The following STPG2 variants were observed in gnomAD, a reference collection of about 807,000 sequenced individuals.
STPG2 encodes the protein sperm-tail PG-rich repeat-containing protein 2.
In STPG2, 56 loss-of-function variants were observed where a neutral mutation model predicts 54.2. The observed-to-expected ratio is 1.03, with a 90% CI of 0.83 to 1.29. The LOEUF is 1.29. STPG2 is among the 50% of genes most tolerant of loss of function. The pLI, the probability that STPG2 is intolerant of heterozygous loss-of-function variation, is 0.00. For missense variants in STPG2, 596 were observed against 544.9 expected, an observed-to-expected ratio of 1.09 and a Z score of -0.93; for synonymous variants, 200 against 181.8, an observed-to-expected ratio of 1.10 and a Z score of -0.81.
intron 5 of STPG2, among the ~76,000 whole-genome samples, chr4:97,993,286 T>C (rs1157894537): frequency 6.6e-6 from 1 of 152,168 alleles, no homozygotes; most frequent in Non-Finnish European, 1.5e-5. Flanking sequence ...GAGGGTTTAA[T>C]CCTAAAGGAA....
intron 8 of STPG2, among the ~76,000 whole-genome samples, chr4:97,859,316 T>C (rs1729432194): frequency 6.6e-6 from 1 of 152,184 alleles, no homozygotes; most frequent in South Asian, 2.1e-4. Flanking sequence ...GTTGAATGCA[T>C]AGTTTTCAAA....
At chr4:97,600,219 C>T (rs1181810386) in intron 10 of STPG2, among the ~76,000 whole-genome samples, 1 of 152,106 alleles carries the variant, frequency 6.6e-6, no homozygotes, top group Non-Finnish European at 1.5e-5. Context: ...AAAATCTGTA[C>T]ATGTGCCCCA....
At chr4:97,992,035 C>T (rs1390394551) in intron 5 of STPG2, among the ~76,000 whole-genome samples, 8 of 152,054 alleles carry the variant, frequency 5.3e-5, no homozygotes, top group African/African-American at 1.4e-4. Flanking sequence ...AGACTTTCTC[C>T]CACTCTATGG....
intron 5 of STPG2, among the ~76,000 whole-genome samples, chr4:98,005,239 C>T (rs1465462913): frequency 6.6e-6 from 1 of 152,084 alleles, no homozygotes; most frequent in African/African-American, 2.4e-5. Context: ...TGATGCCCAC[C>T]CAGATTAGGG....
chr4:97,646,458 C>A (rs1415501074), intron 10 of STPG2, among the ~76,000 whole-genome samples: 2 of 151,868 alleles, frequency 1.3e-5, no homozygotes, highest in Non-Finnish European at 2.9e-5. Flanking sequence ...AAAAATTAGT[C>A]TTTTATATAA....
chr4:97,614,678 A>G (rs1733815464), intron 10 of STPG2, among the ~76,000 whole-genome samples: 1 of 152,126 alleles, frequency 6.6e-6, no homozygotes, highest in African/African-American at 2.4e-5. Context: ...CTTCAAGATC[A>G]TACTGGTAAA....
chr4:97,951,741 A>T (rs1470274314), intron 7 of STPG2, among the ~76,000 whole-genome samples: 2 of 151,940 alleles, frequency 1.3e-5, no homozygotes, highest in Admixed American at 1.3e-4. Flanking sequence ...TTCCCCCATG[A>T]TGTGTGCTTT....
chr4:97,541,294 G>T (rs374524994), intron 4 of STPG2, among the ~76,000 whole-genome samples: 4 of 152,042 alleles, frequency 2.6e-5, no homozygotes, highest in Non-Finnish European at 5.9e-5. Context: ...AAATCAATGT[G>T]CAAAAATCAC....
chr4:97,841,201 C>A (rs1321087609), intron 8 of STPG2, among the ~76,000 whole-genome samples: 1 of 151,576 alleles, frequency 6.6e-6, no homozygotes, highest in Admixed American at 6.6e-5. Context: ...TGATATAGAT[C>A]AAATATATTC....
intron 5 of STPG2, among the ~76,000 whole-genome samples, chr4:98,044,860 C>T (rs935051406): frequency 1.3e-5 from 2 of 152,138 alleles, no homozygotes; most frequent in Non-Finnish European, 2.9e-5. Flanking sequence ...ACAAGTGAGG[C>T]AAGGGTTGCA....
intron 8 of STPG2, among the ~76,000 whole-genome samples, chr4:97,885,586 C>A (rs1417956185): frequency 6.6e-6 from 1 of 152,136 alleles, no homozygotes; most frequent in African/African-American, 2.4e-5. Context: ...GAACAATATA[C>A]CATTGGCCAC....
intron 8 of STPG2, among the ~76,000 whole-genome samples, chr4:97,931,026 T>C (rs1376863129): frequency 6.6e-6 from 1 of 152,222 alleles, no homozygotes; most frequent in Non-Finnish European, 1.5e-5. Flanking sequence ...CATTTGTAGA[T>C]TGATGTTATA....
intron 10 of STPG2, among the ~76,000 whole-genome samples, chr4:97,697,856 G>C (rs1340481037): frequency 2.6e-5 from 4 of 152,194 alleles, no homozygotes; most frequent in Non-Finnish European, 5.9e-5. Flanking sequence ...TCCTGCTGCA[G>C]ATAATTAGCC....
chr4:97,606,482 T>C (rs58533143), intron 10 of STPG2, among the ~76,000 whole-genome samples: 8 of 151,592 alleles, frequency 5.3e-5, no homozygotes, highest in Non-Finnish European at 7.4e-5. Flanking sequence ...CAAATATATA[T>C]AGAGAGAGAG....
At chr4:97,918,792 T>C (rs1731984977) in intron 8 of STPG2, among the ~76,000 whole-genome samples, 1 of 151,888 alleles carries the variant, frequency 6.6e-6, no homozygotes, top group Non-Finnish European at 1.5e-5. Flanking sequence ...ACAAATGATA[T>C]AATGAACTCT....
chr4:98,109,042 T>A, intron 4 of STPG2, 151 bp downstream of exon 4: 1 of 457,904 alleles, frequency 2.2e-6, no homozygotes, highest in Non-Finnish European at 3.9e-6. Flanking sequence ...AAAAAATCAA[T>A]AACTTTCATA....
intron 9 of STPG2, among the ~76,000 whole-genome samples, chr4:97,736,661 G>T (rs1046978302): frequency 2.0e-5 from 3 of 152,202 alleles, no homozygotes; most frequent in Admixed American, 6.5e-5. Context: ...TAGGGGAGGG[G>T]CACCTGTCAT....
chr4:97,654,232 A>G (rs1455502721), intron 10 of STPG2, among the ~76,000 whole-genome samples: 1 of 152,146 alleles, frequency 6.6e-6, no homozygotes, highest in Non-Finnish European at 1.5e-5. Context: ...TATATTAAAA[A>G]TGCACAAATG....
intron 8 of STPG2, among the ~76,000 whole-genome samples, chr4:97,844,482 C>G (rs1728890341): frequency 6.6e-6 from 1 of 151,888 alleles, no homozygotes; most frequent in African/African-American, 2.4e-5. Context: ...TTACTCTCAG[C>G]CTTTTGCATG....
Sources: gnomAD v4.1 joint callset for allele counts (sites outside exome capture counted in the v4.1 genomes callset) on GRCh38, gnomAD v4.1.1 for gene constraint, MANE v1.5 for transcripts, NCBI Gene and HGNC (gene_info 2026-07-23, HGNC 2026-07-21) for gene names.